The following GRID2 variants were observed in gnomAD, a reference collection of about 807,000 sequenced individuals.
GRID2 encodes glutamate receptor ionotropic, delta-2.
A neutral mutation model predicts 114.8 loss-of-function variants in GRID2; 33 were observed. The ratio of observed to expected loss-of-function variants is 0.29; its 90% CI spans 0.22 to 0.38. The LOEUF is 0.38. GRID2 is among the 10% of genes least tolerant of loss of function. GRID2 has a pLI of 1.00. For missense variants in GRID2, 1,184 were observed against 1,257.7 expected, an observed-to-expected ratio of 0.94 and a Z score of 0.89; for synonymous variants, 505 against 449.9, an observed-to-expected ratio of 1.12 and a Z score of -1.55.
At chr4:92,954,749 A>G (rs1179468657) in intron 2 of GRID2, among the ~76,000 whole-genome samples, 17 of 123,410 alleles carry the variant, frequency 1.4e-4, no homozygotes, top group South Asian at 3.1e-4. Context: ...ATATCTCCCA[A>G]TGCTATCCCT....
intron 4 of GRID2, among the ~76,000 whole-genome samples, chr4:93,133,751 G>A (rs1002166814): frequency 3.3e-5 from 5 of 152,118 alleles, no homozygotes; most frequent in East Asian, 1.9e-4. Context: ...AGCTATGCAC[G>A]GGTGAAGAAA....
intron 13 of GRID2, among the ~76,000 whole-genome samples, chr4:93,574,827 TAATA>T (rs1032653227): frequency 3.3e-5 from 5 of 152,314 alleles, no homozygotes; most frequent in African/African-American, 1.2e-4. Flanking sequence ...TGTGGCTGTG[TAATA>T]AATCACAAAA....
chr4:93,136,723 A>G (rs1456284414), intron 4 of GRID2, among the ~76,000 whole-genome samples: 1 of 152,186 alleles, frequency 6.6e-6, no homozygotes, highest in Non-Finnish European at 1.5e-5. Context: ...TTATCTCTTT[A>G]AAGATACTTT....
chr4:92,717,929 A>G (rs1032975943), intron 2 of GRID2, among the ~76,000 whole-genome samples: 1 of 152,168 alleles, frequency 6.6e-6, no homozygotes, highest in East Asian at 1.9e-4. Context: ...ATTAAATACA[A>G]TGAATGATTG....
At chr4:93,585,746 G>A (rs1043685067) in intron 13 of GRID2, among the ~76,000 whole-genome samples, 2 of 151,844 alleles carry the variant, frequency 1.3e-5, no homozygotes, top group African/African-American at 4.8e-5. Context: ...ACTAGATCCT[G>A]CCCAGACATG....
intron 2 of GRID2, among the ~76,000 whole-genome samples, chr4:92,958,238 CT>C (rs1212525923): frequency 6.6e-6 from 1 of 151,976 alleles, no homozygotes; most frequent in African/African-American, 2.4e-5. Flanking sequence ...AGTTAGAAAG[CT>C]TCCAGTTTTC....
chr4:93,754,172 G>A (rs1247290528), intron 14 of GRID2, among the ~76,000 whole-genome samples: 1 of 151,998 alleles, frequency 6.6e-6, no homozygotes, highest in East Asian at 2.0e-4. Context: ...ATAATCTTAT[G>A]GGACCACTCT....
intron 1 of GRID2, among the ~76,000 whole-genome samples, chr4:92,488,594 C>T (rs890290397): frequency 6.6e-6 from 1 of 152,136 alleles, no homozygotes; most frequent in Admixed American, 6.6e-5. Context: ...CAAAATTCCA[C>T]TGCTTCTGAG....
intron 2 of GRID2, among the ~76,000 whole-genome samples, chr4:93,011,286 C>T (rs1257067257): frequency 6.6e-6 from 1 of 151,666 alleles, no homozygotes; most frequent in African/African-American, 2.4e-5. Context: ...TTTTGAGGTA[C>T]TAAGGTTTTC....
chr4:93,458,222 A>C (rs1560640392), intron 11 of GRID2, among the ~76,000 whole-genome samples: 1 of 152,220 alleles, frequency 6.6e-6, no homozygotes, highest in African/African-American at 2.4e-5. Context: ...TAAACCTTTC[A>C]AAGAATCAAA....
chr4:93,497,846 A>G (rs1426307257), intron 12 of GRID2, among the ~76,000 whole-genome samples: 1 of 151,884 alleles, frequency 6.6e-6, no homozygotes, highest in East Asian at 1.9e-4. Context: ...ATTATAGAAT[A>G]ATCTTGTCTA....
intron 1 of GRID2, among the ~76,000 whole-genome samples, chr4:92,436,793 C>T (rs1579355938): frequency 6.6e-6 from 1 of 152,052 alleles, no homozygotes; most frequent in Non-Finnish European, 1.5e-5. Context: ...CTCCTAAATG[C>T]CTGATACTTT....
In GRID2 at chr4:92,352,976, C is replaced by T. The variant is rs569010490; in HGVS notation, c.88+48232C>T. On this transcript the variant is annotated intron_variant, in intron 1 of 15. Transcript: ENST00000282020. ...GTTATTATTTCTTTAAATATTATATCTTTCTCTTTCTCTTCTTCTGATACT... is the reference window on the plus strand; with the variant it reads ...GTTATTATTTCTTTAAATATTATATTTTTCTCTTTCTCTTCTTCTGATACT... Among the ~76,000 whole-genome samples, 5 of 151,478 alleles carry T rather than the reference C, an allele frequency of 3.3e-5. No homozygotes were observed. In the East Asian group the frequency reaches 5.8e-4, roughly 18 times the overall value.
chr4:93,126,584 C>CTTT (rs60017147), intron 4 of GRID2, among the ~76,000 whole-genome samples: 2,969 of 52,846 alleles, frequency 0.056, 598 homozygotes, highest in Non-Finnish European at 0.06. Context: ...CTATTTAATT[C>CTTT]TTTTTTTTTT....
At chr4:93,767,230 A>G (rs1733744043) in intron 14 of GRID2, among the ~76,000 whole-genome samples, 2 of 152,180 alleles carry the variant, frequency 1.3e-5, no homozygotes, top group African/African-American at 2.4e-5. Context: ...TAATAGGCTG[A>G]CATCTTTGTA....
At chr4:92,344,700 C>T (rs1306669298) in intron 1 of GRID2, among the ~76,000 whole-genome samples, 2 of 152,126 alleles carry the variant, frequency 1.3e-5, no homozygotes. Context: ...AGAATACCTA[C>T]CTGTGGCTTT....
At chr4:93,261,046 C>G (rs961755101) in intron 8 of GRID2, among the ~76,000 whole-genome samples, 1 of 151,688 alleles carries the variant, frequency 6.6e-6, no homozygotes, top group Non-Finnish European at 1.5e-5. Context: ...TCATAGTTCC[C>G]TGGGACTGAG....
chr4:92,567,422 G>A (rs929755365), intron 1 of GRID2, among the ~76,000 whole-genome samples: 10 of 151,872 alleles, frequency 6.6e-5, no homozygotes, highest in Non-Finnish European at 8.8e-5. Context: ...TTAGATTCAC[G>A]GCATATTTGA....
intron 1 of GRID2, among the ~76,000 whole-genome samples, chr4:92,318,216 A>C (rs963375272): frequency 2.6e-5 from 4 of 150,950 alleles, no homozygotes; most frequent in Non-Finnish European, 5.9e-5. Context: ...AGAGGTACAT[A>C]GTTTCAACAT....
Sources: gnomAD v4.1 joint callset for allele counts (sites outside exome capture counted in the v4.1 genomes callset) on GRCh38, gnomAD v4.1.1 for gene constraint, MANE v1.5 for transcripts, NCBI Gene and HGNC (gene_info 2026-07-23, HGNC 2026-07-21) for gene names.